Variants in TAFA2 observed in about 807,000 individuals in gnomAD.
TAFA2 encodes TAFA chemokine like family member 2.
In TAFA2, 7 loss-of-function variants were observed where a neutral mutation model predicts 18.8. The ratio of observed to expected loss-of-function variants is 0.37; its 90% CI spans 0.21 to 0.70. TAFA2 has a LOEUF of 0.70. TAFA2 is among the 30% of genes least tolerant of loss of function. The pLI, the probability that TAFA2 is intolerant of heterozygous loss-of-function variation, is 0.53. For synonymous variants in TAFA2, 60 were observed against 54.2 expected, an observed-to-expected ratio of 1.11 and a Z score of -0.47; for missense variants, 122 against 158.1, an observed-to-expected ratio of 0.77 and a Z score of 1.23.
chr12:61,812,762 G>T (rs377477114), intron 2 of TAFA2, among the ~76,000 whole-genome samples: 7 of 150,876 alleles, frequency 4.6e-5, no homozygotes, highest in East Asian at 1.9e-4. Flanking sequence ...TAGGGACAGG[G>T]TTTTACCATG....
chr12:62,145,072 A>G (rs2136912132), intron 1 of TAFA2, among the ~76,000 whole-genome samples: 1 of 152,318 alleles, frequency 6.6e-6, no homozygotes, highest in Admixed American at 6.5e-5. Context: ...TAGACACCAT[A>G]ACTTCTTATT....
intron 2 of TAFA2, among the ~76,000 whole-genome samples, chr12:61,765,270 T>C (rs937473258): frequency 6.6e-5 from 10 of 152,046 alleles, no homozygotes; most frequent in African/African-American, 2.4e-4. Context: ...GTGTAGAAGA[T>C]TGCAGAGCTA....
intron 4 of TAFA2, among the ~76,000 whole-genome samples, chr12:61,714,237 T>TCTCA (rs1869545449): frequency 6.6e-6 from 1 of 152,172 alleles, no homozygotes; most frequent in Non-Finnish European, 1.5e-5. Context: ...ATAATCACTA[T>TCTCA]CTCAGTAAAT....
chr12:62,077,656 C>T (rs1868259766), intron 1 of TAFA2, among the ~76,000 whole-genome samples: 1 of 152,140 alleles, frequency 6.6e-6, no homozygotes, highest in Non-Finnish European at 1.5e-5. Flanking sequence ...CAGTATACCA[C>T]TTTGTCCCAA....
At chr12:62,043,431 G>A (rs1881817585) in intron 1 of TAFA2, among the ~76,000 whole-genome samples, 1 of 151,880 alleles carries the variant, frequency 6.6e-6, no homozygotes, top group Non-Finnish European at 1.5e-5. Context: ...CATGGACACA[G>A]GAAGGGGAAC....
intron 1 of TAFA2, among the ~76,000 whole-genome samples, chr12:62,101,330 T>G (rs1441589541): frequency 1.3e-5 from 2 of 151,988 alleles, no homozygotes; most frequent in East Asian, 3.9e-4. Flanking sequence ...CCTAAATGAG[T>G]CTATAGGTGC....
At chr12:61,877,800 CAT>C (rs1874920897) in intron 1 of TAFA2, among the ~76,000 whole-genome samples, 1 of 151,948 alleles carries the variant, frequency 6.6e-6, no homozygotes, top group African/African-American at 2.4e-5. Flanking sequence ...GTACAATGGA[CAT>C]GAGAGTACTC....
At chr12:61,900,737 G>A (rs548407453) in intron 1 of TAFA2, among the ~76,000 whole-genome samples, 116 of 152,276 alleles carry the variant, frequency 7.6e-4, no homozygotes, top group Middle Eastern at 6.8e-3. Flanking sequence ...TTCAAGATGA[G>A]ATTTGGGTGG....
chr12:61,931,319 G>T (rs1303441166), intron 1 of TAFA2, among the ~76,000 whole-genome samples: 1 of 152,050 alleles, frequency 6.6e-6, no homozygotes, highest in Non-Finnish European at 1.5e-5. Flanking sequence ...CAGGTACCTT[G>T]GTTCATATGA....
intron 2 of TAFA2, among the ~76,000 whole-genome samples, chr12:61,773,727 C>G (rs541502557): frequency 1.3e-5 from 2 of 151,982 alleles, no homozygotes; most frequent in South Asian, 2.1e-4. Flanking sequence ...AGACTTAAAC[C>G]TAAGATTTGA....
At chr12:62,242,005 CCT>C (rs1447071484) in intron 1 of TAFA2, among the ~76,000 whole-genome samples, 2 of 152,086 alleles carry the variant, frequency 1.3e-5, no homozygotes, top group African/African-American at 2.4e-5. Context: ...AAAGCCTTCC[CCT>C]CTTTCCTCTC....
chr12:62,056,952 G>A (rs1345957586), intron 1 of TAFA2, among the ~76,000 whole-genome samples: 1 of 152,190 alleles, frequency 6.6e-6, no homozygotes, highest in Non-Finnish European at 1.5e-5. Context: ...AGAGAGAAAG[G>A]CCTGTAGTTT....
chr12:61,836,756 T>TATATATATATATATACAC (rs68158949), intron 2 of TAFA2, among the ~76,000 whole-genome samples: 26 of 119,846 alleles, frequency 2.2e-4, no homozygotes, highest in Non-Finnish European at 4.0e-4. Context: ...TATATATATA[T>TATATATATATATATACAC]ACACACACAC....
intron 4 of TAFA2, among the ~76,000 whole-genome samples, chr12:61,737,389 T>C (rs1296404899): frequency 3.3e-5 from 5 of 151,958 alleles, no homozygotes; most frequent in African/African-American, 1.2e-4. Context: ...TTGACTAAAA[T>C]GGAATGTGTC....
intron 1 of TAFA2, among the ~76,000 whole-genome samples, chr12:62,115,905 T>C (rs887194167): frequency 6.6e-6 from 1 of 152,182 alleles, no homozygotes; most frequent in African/African-American, 2.4e-5. Context: ...CATTTGACCC[T>C]GTTGTTCTCT....
chr12:61,887,152 C>T (rs1286401483), intron 1 of TAFA2, among the ~76,000 whole-genome samples: 1 of 152,180 alleles, frequency 6.6e-6, no homozygotes, highest in Non-Finnish European at 1.5e-5. Context: ...GTAGGGAAAT[C>T]AGTCCCATAT....
intron 2 of TAFA2, among the ~76,000 whole-genome samples, chr12:61,846,332 G>A (rs1238362695): frequency 1.3e-5 from 2 of 151,988 alleles, no homozygotes; most frequent in Non-Finnish European, 2.9e-5. Flanking sequence ...TAAGATGTTG[G>A]GCTCTTTCTT....
At chr12:62,103,730 A>C (rs1869313224) in intron 1 of TAFA2, among the ~76,000 whole-genome samples, 1 of 151,110 alleles carries the variant, frequency 6.6e-6, no homozygotes, top group East Asian at 1.9e-4. Flanking sequence ...AACAAGCATG[A>C]AACTCCTTCT....
chr12:61,758,330 T>C (rs753322966), intron 2 of TAFA2, among the ~76,000 whole-genome samples: 1 of 151,786 alleles, frequency 6.6e-6, no homozygotes, highest in East Asian at 1.9e-4. Context: ...AGGATGCTTG[T>C]TTGCTGGAGT....
Sources: allele counts gnomAD v4.1 joint callset (sites outside exome capture counted in the v4.1 genomes callset), GRCh38; gene constraint gnomAD v4.1.1; transcripts MANE v1.5; gene names NCBI Gene and HGNC (gene_info 2026-07-23, HGNC 2026-07-21).